RGS5: variants seen among roughly 807,000 people sequenced by gnomAD.
The protein encoded by RGS5 is regulator of G-protein signalling 5.
RGS5 carries 20 observed loss-of-function variants against 18.9 expected under a neutral mutation model. The observed-to-expected ratio is 1.06, with a 90% CI of 0.74 to 1.54. RGS5 has a LOEUF of 1.54. Among genes scored for constraint, RGS5 ranks in the 40% most tolerant of loss-of-function variants. The pLI is 0.00. For missense variants in RGS5, 201 were observed against 211.8 expected, an observed-to-expected ratio of 0.95 and a Z score of 0.32; for synonymous variants, 57 against 76.2, an observed-to-expected ratio of 0.75 and a Z score of 1.31.
At chr1:163,167,255 A>G (rs1001438600) in intron 2 of RGS5, among the ~76,000 whole-genome samples, 4 of 152,232 alleles carry the variant, frequency 2.6e-5, no homozygotes, top group African/African-American at 9.6e-5. Flanking sequence ...AGGGACTCCT[A>G]TATTTTTACC....
At chr1:163,282,045 G>A (rs575662326) in intron 2 of RGS5, among the ~76,000 whole-genome samples, 6,441 of 143,922 alleles carry the variant, frequency 0.045, 171 homozygotes, top group South Asian at 0.1. Flanking sequence ...GTGCACGCGC[G>A]CGCACACACA....
rs77704675 is a variant in RGS5, at chr1:163,155,939, G to C, written c.218-3223C>G. Reference sequence around the variant, plus strand: ...TTACAATTCCAGAGTTCGCCCTAATGAATGGTGTCACTTTTGACATCCATG... The same window carrying C: ...TTACAATTCCAGAGTTCGCCCTAATCAATGGTGTCACTTTTGACATCCATG... On this transcript the variant is annotated intron_variant, in intron 3 of 4. Coordinates refer to ENST00000313961, the MANE Select transcript of RGS5 (RefSeq NM_003617.4). 9.0e-3 allele frequency among the ~76,000 whole-genome samples: 1,363 copies of C among 152,232 alleles called. 18 individuals carry two copies. The highest frequency in any genetic ancestry group is 0.032 in the African/African-American group (1,314 of 41,538).
chr1:163,318,452 T>G (rs1049552536), intron 1 of RGS5, among the ~76,000 whole-genome samples: 1 of 151,826 alleles, frequency 6.6e-6, no homozygotes, highest in African/African-American at 2.4e-5. Flanking sequence ...TGAGATGAGA[T>G]AGAATTGGGA....
upstream of RGS5, among the ~76,000 whole-genome samples, chr1:163,220,008 A>C (rs953483429): frequency 2.6e-5 from 4 of 152,180 alleles, no homozygotes; most frequent in Non-Finnish European, 4.4e-5. Context: ...GAATGCCTGA[A>C]CCAATTTACA....
At chr1:163,233,083 A>T (rs1647524801) in intron 2 of RGS5, among the ~76,000 whole-genome samples, 1 of 152,210 alleles carries the variant, frequency 6.6e-6, no homozygotes, top group Admixed American at 6.5e-5. Context: ...TTGGAGAATA[A>T]AGGTCAATTT....
chr1:163,263,111 G>A (rs557535434), intron 2 of RGS5, among the ~76,000 whole-genome samples: 2 of 152,242 alleles, frequency 1.3e-5, no homozygotes, highest in South Asian at 4.1e-4. Context: ...CCCTTTTCAT[G>A]CAGTCTGGGC....
upstream of RGS5, among the ~76,000 whole-genome samples, chr1:163,220,792 G>T (rs1225516943): frequency 6.6e-6 from 1 of 152,072 alleles, no homozygotes; most frequent in Non-Finnish European, 1.5e-5. Context: ...GTCATCACAA[G>T]GTCCTTACAA....
chr1:163,311,765 C>T (rs1649869988), intron 1 of RGS5, among the ~76,000 whole-genome samples: 1 of 151,978 alleles, frequency 6.6e-6, no homozygotes. Flanking sequence ...TTGCAGATCA[C>T]CATAATAGAT....
intron 2 of RGS5, among the ~76,000 whole-genome samples, chr1:163,265,361 A>G (rs1404268647): frequency 6.6e-6 from 1 of 152,152 alleles, no homozygotes; most frequent in African/African-American, 2.4e-5. Context: ...TATCAAAGGA[A>G]GAGGTTTCTC....
upstream of RGS5, among the ~76,000 whole-genome samples, chr1:163,222,004 T>C (rs1395703242): frequency 6.6e-6 from 1 of 152,228 alleles, no homozygotes; most frequent in African/African-American, 2.4e-5. Context: ...CTTTACTCAA[T>C]TGGTCAGATA....
Position 163,149,242 on chromosome 1 carries a change from C to A in RGS5, c.385-1739G>T, listed in dbSNP as rs373324757. Reference sequence around the variant, plus strand: ...GACCTCAGAGAGGTCAGGTTACATGCCCACAAACAGCTAGTGTGGATTAGA... The same window carrying A: ...GACCTCAGAGAGGTCAGGTTACATGACCACAAACAGCTAGTGTGGATTAGA... On this transcript the variant is annotated intron_variant, in intron 4 of 4. Transcript: ENST00000313961. 2.3e-3 allele frequency among the ~76,000 whole-genome samples: 347 copies of A among 152,268 alleles called. 2 individuals carry two copies. Among genetic ancestry groups the A allele is most frequent in the African/African-American group, 8.1e-3 (338 of 41,554 alleles).
At chr1:163,189,759 G>A (rs1252035873) in intron 1 of RGS5, among the ~76,000 whole-genome samples, 2 of 152,180 alleles carry the variant, frequency 1.3e-5, no homozygotes, top group African/African-American at 2.4e-5. Flanking sequence ...ACCCCCTTGT[G>A]GGAACCCAAA....
chr1:163,225,542 T>C (rs1418914756), intron 2 of RGS5, among the ~76,000 whole-genome samples: 1 of 152,096 alleles, frequency 6.6e-6, no homozygotes, highest in Non-Finnish European at 1.5e-5. Context: ...ACATCTGAGT[T>C]TGTCATTCTC....
chr1:163,217,176 C>T (rs540165890), intron 1 of RGS5, among the ~76,000 whole-genome samples: 1 of 152,206 alleles, frequency 6.6e-6, no homozygotes, highest in South Asian at 2.1e-4. Context: ...GTACAACAAA[C>T]CTCCATGACA....
intron 1 of RGS5, among the ~76,000 whole-genome samples, chr1:163,307,133 A>G (rs1415457624): frequency 6.6e-6 from 1 of 152,226 alleles, no homozygotes; most frequent in Non-Finnish European, 1.5e-5. Context: ...GGGAAGACCT[A>G]CTGAGATTCT....
intron 1 of RGS5, among the ~76,000 whole-genome samples, chr1:163,320,424 T>C (rs1280671266): frequency 6.6e-6 from 1 of 152,168 alleles, no homozygotes; most frequent in Non-Finnish European, 1.5e-5. Flanking sequence ...CGAGCTCAGT[T>C]AGGTTAAATA....
chr1:163,231,880 A>C (rs770016473), intron 2 of RGS5, among the ~76,000 whole-genome samples: 1 of 152,150 alleles, frequency 6.6e-6, no homozygotes, highest in Non-Finnish European at 1.5e-5. Context: ...TATGTGCAGA[A>C]GTAAAGTACT....
chr1:163,237,995 A>C (rs1647675364), intron 2 of RGS5: 1 of 154,188 alleles, frequency 6.5e-6, no homozygotes, highest in Admixed American at 6.5e-5. Flanking sequence ...TGTCCCTGTA[A>C]ATTCTGTGTT....
chr1:163,287,275 G>C (rs554178927), intron 2 of RGS5, among the ~76,000 whole-genome samples: 1 of 152,228 alleles, frequency 6.6e-6, no homozygotes, highest in African/African-American at 2.4e-5. Flanking sequence ...GAAAACAGCA[G>C]AACAGTTCCC....
Sources: allele counts gnomAD v4.1 joint callset (sites outside exome capture counted in the v4.1 genomes callset), GRCh38; gene constraint gnomAD v4.1.1; transcripts MANE v1.5; gene names NCBI Gene and HGNC (gene_info 2026-07-23, HGNC 2026-07-21).